DYRK1A: variants seen among roughly 807,000 people sequenced by gnomAD.
DYRK1A encodes the protein dual specificity tyrosine-phosphorylation-regulated kinase 1A.
Under a neutral mutation model 79.7 loss-of-function variants are expected in DYRK1A, and 9 were observed. The ratio of observed to expected loss-of-function variants is 0.11; its 90% CI spans 0.07 to 0.20. The LOEUF (loss-of-function observed/expected upper bound fraction) is 0.20, where lower values mean the gene tolerates loss of function less well. Among genes scored for constraint, DYRK1A ranks in the 10% least tolerant of loss-of-function variants. DYRK1A has a pLI of 1.00. For missense variants in DYRK1A, 622 were observed against 956.0 expected, an observed-to-expected ratio of 0.65 and a Z score of 4.61; for synonymous variants, 349 against 329.7, an observed-to-expected ratio of 1.06 and a Z score of -0.63.
At chr21:37,384,470 G>A (rs2049720342) in intron 1 of DYRK1A, among the ~76,000 whole-genome samples, 1 of 152,218 alleles carries the variant, frequency 6.6e-6, no homozygotes, top group South Asian at 2.1e-4. Context: ...CTGAAGTAAA[G>A]ACTCCTAGCT....
In DYRK1A at chr21:37,514,890, G is replaced by A. The variant is rs1194972260; in HGVS notation, c.*2359G>A. 2 of 152,576 alleles carry A rather than the reference G, an allele frequency of 1.3e-5. No individual in the cohort carries two copies. The highest frequency in any genetic ancestry group is 2.9e-5 in the Non-Finnish European group (2 of 68,026). 9.5% of individuals were successfully genotyped at this position (152,576 alleles called of 1,614,324 possible). ...TCTTAGCAAGCACCAAAAAACTAAAGCAGTTTTTAAACCGATATTTACGTA... is the reference window on the plus strand; with the variant it reads ...TCTTAGCAAGCACCAAAAAACTAAAACAGTTTTTAAACCGATATTTACGTA... On this transcript the variant is annotated 3_prime_UTR_variant, in exon 12 of 12. Coordinates refer to ENST00000647188, the MANE Select transcript of DYRK1A (RefSeq NM_001347721.2).
At chr21:37,372,566 A>G (rs550888125) in intron 1 of DYRK1A, among the ~76,000 whole-genome samples, 41 of 152,260 alleles carry the variant, frequency 2.7e-4, no homozygotes, top group Non-Finnish European at 5.7e-4. Context: ...GAAACCATGA[A>G]CAGAGGCTCC....
At chr21:37,365,574 T>TAA (rs2049287845), upstream of DYRK1A, 1 of 152,142 alleles carries the variant, frequency 6.6e-6, no homozygotes, top group African/African-American at 2.4e-5. Flanking sequence ...CAGCACAGCA[T>TAA]ACTTGGGTTT....
At chr21:37,396,624 T>G (rs1440086747) in intron 1 of DYRK1A, among the ~76,000 whole-genome samples, 1 of 152,130 alleles carries the variant, frequency 6.6e-6, no homozygotes, top group East Asian at 1.9e-4. Flanking sequence ...TTAAGAGACC[T>G]GGCATCAACT....
In DYRK1A at chr21:37,494,651, ATTAT is replaced by A. The variant is rs1435397311; in HGVS notation, c.1072-1461_1072-1458del. On this transcript the variant is annotated intron_variant, in intron 8 of 11. Transcript: ENST00000647188. The stretch of plus-strand genomic sequence containing the variant: ...GCCAGCATCTGACATCATGTATTTA[ATTAT>A]TTATTGATAATGCCGGGCGCAGTGG... 9.2e-5 allele frequency among the ~76,000 whole-genome samples: 14 copies of A among 151,850 alleles called. No homozygotes were observed. The East Asian group carries it at 2.7e-3, about 29-fold the overall frequency.
chr21:37,515,574 A>G lies in DYRK1A; in HGVS notation c.*3043A>G, dbSNP rs1466630175. Reference sequence around the variant, plus strand: ...CTTCCCTAACTCCTCGTACGGGGCCATATCAGAATTCTAGAATTCTTGCCA... The same window carrying G: ...CTTCCCTAACTCCTCGTACGGGGCCGTATCAGAATTCTAGAATTCTTGCCA... On this transcript the variant is annotated 3_prime_UTR_variant, in exon 12 of 12. Coordinates refer to ENST00000647188, the MANE Select transcript of DYRK1A (RefSeq NM_001347721.2). 3.9e-5 allele frequency: 6 copies of G among 152,214 alleles called. No homozygotes were observed. Among genetic ancestry groups the G allele is most frequent in the Admixed American group, 6.5e-5 (1 of 15,278 alleles). 9.4% of individuals were successfully genotyped at this position (152,214 alleles called of 1,614,324 possible). A position where few individuals can be genotyped will look rare whatever the true frequency, so the allele number is the denominator to read the frequency against.
chr21:37,453,304 A>T (rs754183858), intron 2 of DYRK1A, among the ~76,000 whole-genome samples: 1 of 152,178 alleles, frequency 6.6e-6, no homozygotes, highest in Non-Finnish European at 1.5e-5. Context: ...CTACATTTCA[A>T]GTATTCAGTA....
At chr21:37,470,835 T>G (rs1315227722) in intron 2 of DYRK1A, among the ~76,000 whole-genome samples, 2 of 152,248 alleles carry the variant, frequency 1.3e-5, no homozygotes, top group African/African-American at 2.4e-5. Flanking sequence ...TTTTAAAAAG[T>G]GAACAAGGTT....
chr21:37,486,641 G>GCAAAC, intron 6 of DYRK1A, 27 bp downstream of exon 6: 1 of 1,481,364 alleles, frequency 6.8e-7, no homozygotes, highest in South Asian at 1.4e-5. Context: ...ACAGCGCAGT[G>GCAAAC]TGCCCCAACC....
intron 11 of DYRK1A, among the ~76,000 whole-genome samples, chr21:37,510,106 G>A (rs1237934685): frequency 2.6e-5 from 4 of 152,212 alleles, no homozygotes; most frequent in Non-Finnish European, 5.9e-5. Context: ...TGTATCTCTT[G>A]TGGATAAGGA....
chr21:37,492,998 A>C lies in DYRK1A; in HGVS notation c.925-19A>C. On this transcript the variant is annotated intron_variant, in intron 7 of 11. Coordinates refer to ENST00000647188, the MANE Select transcript of DYRK1A (RefSeq NM_001347721.2). ...AGTTTTAAGCAATTGAAGTAATACT[A>C]TTTTGAAATATATTTCAGATATACC... is the stretch of plus-strand genomic sequence containing the variant. The C allele has an allele frequency of 1.3e-6, 2 of 1,570,450 alleles. No individual in the cohort carries two copies. Among genetic ancestry groups the C allele is most frequent in the Non-Finnish European group, 1.7e-6 (2 of 1,146,276 alleles).
chr21:37,485,992 AAGTT>A (rs1227446266), intron 5 of DYRK1A, among the ~76,000 whole-genome samples: 11 of 152,128 alleles, frequency 7.2e-5, no homozygotes, highest in African/African-American at 1.9e-4. Flanking sequence ...ATCTAATTGA[AAGTT>A]AGAAAGTTAT....
intron 1 of DYRK1A, among the ~76,000 whole-genome samples, chr21:37,411,325 C>T (rs2050240105): frequency 6.6e-6 from 1 of 152,022 alleles, no homozygotes; most frequent in African/African-American, 2.4e-5. Context: ...CATTGCACTC[C>T]AGCCTGAGTG....
At chr21:37,422,734 T>C (rs1388217365) in intron 2 of DYRK1A, among the ~76,000 whole-genome samples, 1 of 152,176 alleles carries the variant, frequency 6.6e-6, no homozygotes, top group Non-Finnish European at 1.5e-5. Flanking sequence ...TGTATATGTG[T>C]ATCAAAACAT....
intron 2 of DYRK1A, among the ~76,000 whole-genome samples, chr21:37,426,203 A>G (rs929855372): frequency 6.6e-6 from 1 of 152,198 alleles, no homozygotes; most frequent in African/African-American, 2.4e-5. Flanking sequence ...ATGAGTCTAT[A>G]TTTTGGGATC....
chr21:37,374,365 C>G (rs1260535273), intron 1 of DYRK1A, among the ~76,000 whole-genome samples: 1 of 149,004 alleles, frequency 6.7e-6, no homozygotes, highest in Non-Finnish European at 1.5e-5. Context: ...CTCTTGAATT[C>G]CTGTGGATTT....
chr21:37,418,986 T>C (rs999413527), intron 1 of DYRK1A: 2 of 152,214 alleles, frequency 1.3e-5, no homozygotes, highest in Non-Finnish European at 2.9e-5. Flanking sequence ...AAGTTGGAGC[T>C]TTTAAAGAAC....
At chr21:37,372,869 GGC>G (rs1041712583) in intron 1 of DYRK1A, among the ~76,000 whole-genome samples, 3 of 151,628 alleles carry the variant, frequency 2.0e-5, no homozygotes, top group African/African-American at 7.3e-5. Context: ...TCTTTTTTTT[GGC>G]CAAGCAGGAC....
intron 1 of DYRK1A, among the ~76,000 whole-genome samples, chr21:37,408,671 A>G (rs2050191847): frequency 6.6e-6 from 1 of 152,146 alleles, no homozygotes. Context: ...CAGCAAACTC[A>G]TTTGTTCCAC....
Sources: gnomAD v4.1 joint callset for allele counts (sites outside exome capture counted in the v4.1 genomes callset) on GRCh38, gnomAD v4.1.1 for gene constraint, MANE v1.5 for transcripts, NCBI Gene and HGNC (gene_info 2026-07-23, HGNC 2026-07-21) for gene names.